PTPRM: variants seen among roughly 807,000 people sequenced by gnomAD.
PTPRM encodes the protein protein tyrosine phosphatase receptor type M.
PTPRM carries 47 observed loss-of-function variants against 186.7 expected under a neutral mutation model. The ratio of observed to expected loss-of-function variants is 0.25; its 90% CI spans 0.20 to 0.32. The LOEUF is 0.32. PTPRM is among the 10% of genes least tolerant of loss of function. The pLI, the probability that PTPRM is intolerant of heterozygous loss-of-function variation, is 1.00. For synonymous variants in PTPRM, 668 were observed against 674.9 expected, an observed-to-expected ratio of 0.99 and a Z score of 0.16; for missense variants, 1,494 against 1,865.0, an observed-to-expected ratio of 0.80 and a Z score of 3.66.
At chr18:8,070,812 G>A (rs1216584308) in intron 8 of PTPRM, among the ~76,000 whole-genome samples, 1 of 152,120 alleles carries the variant, frequency 6.6e-6, no homozygotes, top group East Asian at 1.9e-4. Flanking sequence ...AAAGAATGTA[G>A]GAAGACCATT....
intron 7 of PTPRM, among the ~76,000 whole-genome samples, chr18:8,044,069 C>T (rs2086862979): frequency 6.6e-6 from 1 of 152,168 alleles, no homozygotes; most frequent in Non-Finnish European, 1.5e-5. Context: ...CTCAGGCAGG[C>T]ACTCTCAGAG....
At chr18:8,157,309 C>T (rs2093142145) in intron 14 of PTPRM, among the ~76,000 whole-genome samples, 1 of 152,226 alleles carries the variant, frequency 6.6e-6, no homozygotes, top group Non-Finnish European at 1.5e-5. Context: ...GCATTATACA[C>T]CAGTATACAA....
At chr18:8,292,196 T>C (rs1047545296) in intron 19 of PTPRM, among the ~76,000 whole-genome samples, 1 of 152,230 alleles carries the variant, frequency 6.6e-6, no homozygotes, top group African/African-American at 2.4e-5. Context: ...CAATTGGTTT[T>C]TGTCTCACTT....
At chr18:8,380,913 A>G (rs928243312) in intron 29 of PTPRM, among the ~76,000 whole-genome samples, 9 of 152,200 alleles carry the variant, frequency 5.9e-5, no homozygotes, top group African/African-American at 1.9e-4. Flanking sequence ...CATGCAGGGC[A>G]GGTAGAGATT....
At chr18:8,073,423 T>C (rs17396187) in intron 8 of PTPRM, among the ~76,000 whole-genome samples, 12,596 of 152,310 alleles carry the variant, frequency 0.083, 602 homozygotes, top group South Asian at 0.12. Flanking sequence ...GCATGGCCTG[T>C]TTTAGTTCAA....
intron 14 of PTPRM, among the ~76,000 whole-genome samples, chr18:8,233,060 C>G (rs1447461990): frequency 6.6e-6 from 1 of 152,158 alleles, no homozygotes; most frequent in Non-Finnish European, 1.5e-5. Context: ...CTCAGCAAAC[C>G]TTTTGGCGAC....
chr18:8,387,247 A>G lies in PTPRM; in HGVS notation c.4208+12A>G. On this transcript the variant is annotated intron_variant, in intron 31 of 32. Transcript: ENST00000580170. ...GTTGTGCACTGCTTGTAAGTGCTTG[A>G]CAGAGCTCTTCATTTCAGAACAGCG... 1 of 1,611,024 alleles carries G rather than the reference A, an allele frequency of 6.2e-7. No homozygotes were observed. Among genetic ancestry groups the G allele is most frequent in the Non-Finnish European group, 8.5e-7 (1 of 1,177,992 alleles).
intron 2 of PTPRM, among the ~76,000 whole-genome samples, chr18:7,776,722 A>G (rs2042601776): frequency 6.6e-6 from 1 of 152,216 alleles, no homozygotes; most frequent in Non-Finnish European, 1.5e-5. Flanking sequence ...TAAGTGTGCT[A>G]TAGACTGGAA....
intron 1 of PTPRM, among the ~76,000 whole-genome samples, chr18:7,572,482 T>C (rs1334961725): frequency 6.6e-6 from 1 of 152,202 alleles, no homozygotes; most frequent in African/African-American, 2.4e-5. Context: ...ATTCTAGGAA[T>C]TGTGAGGCTG....
intron 2 of PTPRM, among the ~76,000 whole-genome samples, chr18:7,836,875 A>G (rs2046078467): frequency 6.6e-6 from 1 of 152,052 alleles, no homozygotes; most frequent in South Asian, 2.1e-4. Flanking sequence ...TTGGAACTCC[A>G]TTGTATGTTG....
chr18:8,099,240 G>T (rs1301265203), intron 11 of PTPRM, among the ~76,000 whole-genome samples: 2 of 151,038 alleles, frequency 1.3e-5, no homozygotes, highest in African/African-American at 4.9e-5. Flanking sequence ...GCCCACCCTG[G>T]CCCCCTGCCC....
At chr18:7,933,218 T>C (rs907458760) in intron 5 of PTPRM, among the ~76,000 whole-genome samples, 1 of 152,212 alleles carries the variant, frequency 6.6e-6, no homozygotes, top group African/African-American at 2.4e-5. Flanking sequence ...AATTTGGATA[T>C]GGCCAAAGAG....
At chr18:8,165,673 A>G (rs752921156) in intron 14 of PTPRM, among the ~76,000 whole-genome samples, 15 of 152,194 alleles carry the variant, frequency 9.9e-5, no homozygotes, top group East Asian at 3.8e-4. Flanking sequence ...AGAGTGAAAT[A>G]TGGGTAGTGT....
intron 22 of PTPRM, among the ~76,000 whole-genome samples, chr18:8,324,499 G>A (rs1182950754): frequency 6.6e-6 from 1 of 152,212 alleles, no homozygotes; most frequent in African/African-American, 2.4e-5. Flanking sequence ...GTAAAAGCAG[G>A]ATGTAGTAGA....
rs115828494 is a variant in PTPRM at position 8,110,889 on chromosome 18, C to T, written c.1857-2597C>T. On this transcript the variant is annotated intron_variant, in intron 11 of 32. Transcript: ENST00000580170. ...ACTGTGGAAAGTCAGTGGAGACTAG[C>T]TTATGTGTTGGTTGTGTCTACAGGA... Among the ~76,000 whole-genome samples, 1,237 of 152,254 alleles carry T rather than the reference C, an allele frequency of 8.1e-3. 12 individuals carry two copies. Among genetic ancestry groups the T allele is most frequent in the African/African-American group, 0.028 (1,145 of 41,546 alleles).
intron 14 of PTPRM, among the ~76,000 whole-genome samples, chr18:8,241,892 T>C (rs764328215): frequency 9.2e-5 from 14 of 152,216 alleles, no homozygotes; most frequent in Non-Finnish European, 1.9e-4. Context: ...TCTGTTTGAT[T>C]TGAGCATGCT....
intron 5 of PTPRM, among the ~76,000 whole-genome samples, chr18:7,933,558 T>G (rs2051615888): frequency 6.6e-6 from 1 of 152,208 alleles, no homozygotes; most frequent in South Asian, 2.1e-4. Flanking sequence ...CAGGGGGGAC[T>G]GCTATACTGT....
intron 2 of PTPRM, among the ~76,000 whole-genome samples, chr18:7,775,301 G>A (rs2042526107): frequency 6.6e-6 from 1 of 152,160 alleles, no homozygotes; most frequent in Non-Finnish European, 1.5e-5. Context: ...CTTTTTAGCT[G>A]TTGGTTATTT....
At chr18:8,248,244 G>A in intron 17 of PTPRM, 68 bp downstream of exon 17, 1 of 1,364,350 alleles carries the variant, frequency 7.3e-7, no homozygotes, top group Non-Finnish European at 1.0e-6. Context: ...CCACTCTGTA[G>A]GAGATTGGAG....
Sources: gnomAD v4.1 joint callset for allele counts (sites outside exome capture counted in the v4.1 genomes callset) on GRCh38, gnomAD v4.1.1 for gene constraint, MANE v1.5 for transcripts, NCBI Gene and HGNC (gene_info 2026-07-23, HGNC 2026-07-21) for gene names.